NUCB2: variants seen among roughly 807,000 people sequenced by gnomAD.
NUCB2 encodes the protein nucleobindin 2, also known as nucleobindin-2.
NUCB2 carries 48 observed loss-of-function variants against 57.9 expected under a neutral mutation model. The observed-to-expected ratio is 0.83, with a 90% CI of 0.66 to 1.05. NUCB2 has a LOEUF of 1.05. NUCB2 is among the 50% of genes least tolerant of loss of function. The probability of loss-of-function intolerance (pLI) is 0.00; values close to 1 mark genes in which losing one functional copy is unlikely to be tolerated. For missense variants in NUCB2, 442 were observed against 476.2 expected (o/e 0.93, Z 0.67); for synonymous variants, 139 against 152.1 (o/e 0.91, Z 0.64).
chr11:17,336,663 T>A (rs1026545162), downstream of NUCB2, among the ~76,000 whole-genome samples: 8 of 132,664 alleles, frequency 6.0e-5, no homozygotes, highest in South Asian at 4.8e-4. Context: ...CTGGGGCAGG[T>A]GAATGGCGTG....
At chr11:17,295,170 CAA>C (rs1945617054) in intron 2 of NUCB2, among the ~76,000 whole-genome samples, 152 bp from the exon 3 acceptor site, 1 of 151,976 alleles carries the variant, frequency 6.6e-6, no homozygotes, top group South Asian at 2.1e-4. Context: ...TTATTTTTGA[CAA>C]GTTTTAATCT....
chr11:17,309,366 G>A (rs998199077), intron 5 of NUCB2, among the ~76,000 whole-genome samples: 1 of 151,862 alleles, frequency 6.6e-6, no homozygotes, highest in African/African-American at 2.4e-5. Context: ...ATGTTAAATT[G>A]CATTCCACTC....
chr11:17,296,208 A>G lies in NUCB2; in HGVS notation c.249A>G (p.Ile83Met). Residue 83 changes from isoleucine to methionine, a missense_variant, in exon 4 of 14, where the codon ATA becomes ATG. Coordinates refer to ENST00000529010, the MANE Select transcript of NUCB2 (RefSeq NM_005013.4). ...EKLQKADIEE[I>M]KSGRLSKELD... ...TCCAGAAAGCAGACATAGAGGAAAT[A>G]AAGGTAAATGCAATTCAATAATATA... 2 of 1,583,994 alleles carry G rather than the reference A, an allele frequency of 1.3e-6. No homozygotes were observed. Among genetic ancestry groups the G allele is most frequent in the Non-Finnish European group, 8.7e-7 (1 of 1,155,752 alleles).
chr11:17,282,238 A>ATCTATCTATCTATCTATCTATCTATC lies in NUCB2; in HGVS notation c.-155-550_-155-549insCTATCTATCTATCTATCTATCTATCT, dbSNP rs35737787. Among the ~76,000 whole-genome samples the ATCTATCTATCTATCTATCTATCTATC allele has an allele frequency of 4.1e-3, 472 of 115,416 alleles. 2 individuals carry two copies. The highest frequency in any genetic ancestry group is 4.9e-3 in the Non-Finnish European group (285 of 58,692). The allele number at this position is 115,416 out of a possible 152,430, so 75.7% of individuals were successfully genotyped here. On this transcript the variant is annotated intron_variant, in intron 1 of 13. Coordinates refer to ENST00000529010, the MANE Select transcript of NUCB2 (RefSeq NM_005013.4). ...TCTATATCTATCTATCTATCTATCT[A>ATCTATCTATCTATCTATCTATCTATC]TATATATATATATATATATATTTTT...
chr11:17,311,129 T>C, intron 7 of NUCB2, 64 bp from the exon 8 acceptor site: 1 of 1,439,320 alleles, frequency 6.9e-7, no homozygotes, highest in Non-Finnish European at 9.5e-7. Flanking sequence ...CTCAAATTTA[T>C]ATTTTGAGTC....
chr11:17,344,989 C>G (rs780606078), intron 2 of NUCB2, among the ~76,000 whole-genome samples: 1 of 152,194 alleles, frequency 6.6e-6, no homozygotes, highest in African/African-American at 2.4e-5. Context: ...AGTCTGGTAT[C>G]TATTAGCACA....
intron 11 of NUCB2, among the ~76,000 whole-genome samples, chr11:17,316,763 T>C (rs1456518447): frequency 6.6e-6 from 1 of 152,210 alleles, no homozygotes; most frequent in African/African-American, 2.4e-5. Flanking sequence ...GAACATAGTC[T>C]TTTTCTACAT....
chr11:17,307,114 G>A (rs1487548329), intron 5 of NUCB2, among the ~76,000 whole-genome samples: 1 of 152,052 alleles, frequency 6.6e-6, no homozygotes, highest in African/African-American at 2.4e-5. Flanking sequence ...GTGTTGCCCA[G>A]GCTGGTCTTG....
chr11:17,331,099 A>AT (rs1951343302), intron 13 of NUCB2, 116 bp downstream of exon 13: 2 of 856,226 alleles, frequency 2.3e-6, no homozygotes, highest in African/African-American at 1.7e-5. Context: ...TTTTTTGTGT[A>AT]TTTTTTGTGG....
At chr11:17,303,668 T>C (rs1947139737) in intron 5 of NUCB2, among the ~76,000 whole-genome samples, 1 of 152,082 alleles carries the variant, frequency 6.6e-6, no homozygotes, top group South Asian at 2.1e-4. Context: ...GTGGGTCACC[T>C]GAGGTCAGGA....
chr11:17,342,204 TC>T (rs1235259033), intron 2 of NUCB2, among the ~76,000 whole-genome samples: 1 of 152,206 alleles, frequency 6.6e-6, no homozygotes, highest in East Asian at 1.9e-4. Context: ...GATTCTTCTC[TC>T]TTTTCTTCTT....
chr11:17,344,184 T>C (rs1379928463), intron 2 of NUCB2, among the ~76,000 whole-genome samples: 1 of 152,204 alleles, frequency 6.6e-6, no homozygotes, highest in African/African-American at 2.4e-5. Flanking sequence ...TGAATGTCCC[T>C]GTTCAGTTCT....
chr11:17,346,774 T>C (rs1952775451), intron 2 of NUCB2, among the ~76,000 whole-genome samples: 1 of 152,200 alleles, frequency 6.6e-6, no homozygotes, highest in African/African-American at 2.4e-5. Flanking sequence ...AATCAGGAAA[T>C]TAACATTGAT....
chr11:17,331,257 AATTAT>A, intron 13 of NUCB2, 150 bp from the exon 14 acceptor site: 1 of 527,444 alleles, frequency 1.9e-6, no homozygotes. Flanking sequence ...AATTCTTTCT[AATTAT>A]ATTAATCTTA....
At chr11:17,334,960 G>C (rs1027346222), downstream of NUCB2, among the ~76,000 whole-genome samples, 1 of 151,008 alleles carries the variant, frequency 6.6e-6, no homozygotes, top group African/African-American at 2.4e-5. Flanking sequence ...TAAACTGTTA[G>C]TCCTTATTTT....
intron 6 of NUCB2, 95 bp downstream of exon 6, chr11:17,309,770 A>C: frequency 1.3e-6 from 1 of 749,438 alleles, no homozygotes; most frequent in Non-Finnish European, 2.1e-6. Flanking sequence ...TAACTTTTAT[A>C]TATTCTGTAG....
In NUCB2 at chr11:17,294,126, T is replaced by C. The variant is rs181191975; in HGVS notation, c.1-1198T>C. On this transcript the variant is annotated intron_variant, in intron 2 of 13. Transcript: ENST00000529010. The stretch of plus-strand genomic sequence containing the variant: ...AATGAATAATAAACCTTTTTTGTTA[T>C]TAAAAGTAATTGTGGGGAAGAGGAG... 1.3e-3 allele frequency among the ~76,000 whole-genome samples: 195 copies of C among 152,348 alleles called. 1 individual carries two copies. Among genetic ancestry groups the C allele is most frequent in the Admixed American group, 3.4e-3 (52 of 15,300 alleles).
intron 2 of NUCB2, chr11:17,349,291 T>C (rs1357979222): frequency 6.6e-6 from 1 of 152,238 alleles, no homozygotes; most frequent in African/African-American, 2.4e-5. Flanking sequence ...CTGCTGAAAA[T>C]GAGAACATTT....
chr11:17,320,485 T>C (rs1389444099), intron 11 of NUCB2, among the ~76,000 whole-genome samples: 2 of 152,026 alleles, frequency 1.3e-5, no homozygotes, highest in Admixed American at 6.6e-5. Context: ...GGTGAAACCT[T>C]GTCTCTATTA....
Sources: gnomAD v4.1 joint callset for allele counts (sites outside exome capture counted in the v4.1 genomes callset) on GRCh38, gnomAD v4.1.1 for gene constraint, MANE v1.5 for transcripts, NCBI Gene and HGNC (gene_info 2026-07-23, HGNC 2026-07-21) for gene names.